Variants in HRG observed in about 807,000 individuals in gnomAD.
The protein encoded by HRG is histidine-rich glycoprotein.
In HRG, 26 loss-of-function variants were observed where a neutral mutation model predicts 29.5. That is an observed-to-expected ratio of 0.88 (90% CI 0.65 to 1.22). The LOEUF (loss-of-function observed/expected upper bound fraction) is 1.22. Among genes scored for constraint, HRG ranks in the 50% most tolerant of loss-of-function variants. The pLI is 0.00. For synonymous variants in HRG, 243 were observed against 240.4 expected (o/e 1.01, Z -0.10); for missense variants, 671 against 654.5 (o/e 1.03, Z -0.28).
intron 5 of HRG, 166 bp from the exon 6 acceptor site, chr3:186,674,922 AG>A: frequency 4.3e-6 from 3 of 692,704 alleles, no homozygotes; most frequent in Non-Finnish European, 8.1e-6. Context: ...CTTTCCCCAA[AG>A]TGTTAACAAG....
At chr3:186,675,997 G>A (rs7614709) in intron 6 of HRG, among the ~76,000 whole-genome samples, 37,958 of 151,046 alleles carry the variant, frequency 0.25, 4,917 homozygotes, top group South Asian at 0.33. Context: ...AGCCTCCTGA[G>A]TAGCTAGGAT....
chr3:186,676,722 A>C (rs1719003219), intron 6 of HRG, among the ~76,000 whole-genome samples: 1 of 152,124 alleles, frequency 6.6e-6, no homozygotes, highest in African/African-American at 2.4e-5. Context: ...CTGAGGCAGG[A>C]GAATTGCTTG....
chr3:186,674,888 T>G, intron 5 of HRG: 1 of 591,396 alleles, frequency 1.7e-6, no homozygotes, highest in South Asian at 1.7e-5. Context: ...ACAGCAACTT[T>G]AGTGATACCC....
intron 5 of HRG, chr3:186,673,177 C>T (rs1403751617): frequency 2.5e-6 from 1 of 401,870 alleles, no homozygotes; most frequent in African/African-American, 2.1e-5. Context: ...AGTGTCGGCT[C>T]ACTGCAACCT....
At chr3:186,667,849 C>T (rs987889374) in intron 1 of HRG, among the ~76,000 whole-genome samples, 10 of 152,090 alleles carry the variant, frequency 6.6e-5, no homozygotes, top group Non-Finnish European at 1.0e-4. Context: ...ACTGTCTTCG[C>T]TTAGATTACA....
intron 5 of HRG, chr3:186,673,851 T>C (rs2108579681): frequency 6.6e-6 from 1 of 152,312 alleles, no homozygotes; most frequent in South Asian, 2.1e-4. Context: ...TAATACCACC[T>C]GGCATTTGCA....
At chr3:186,670,636 C>T (rs1718757088) in intron 3 of HRG, among the ~76,000 whole-genome samples, 1 of 150,744 alleles carries the variant, frequency 6.6e-6, no homozygotes, top group South Asian at 2.1e-4. Context: ...CAACCTCCAC[C>T]TCCCGGGTTC....
intron 3 of HRG, among the ~76,000 whole-genome samples, chr3:186,671,264 A>C (rs1009777296): frequency 6.1e-5 from 9 of 147,586 alleles, no homozygotes; most frequent in Non-Finnish European, 1.2e-4. Flanking sequence ...AAAACATATG[A>C]TATATTATAT....
In HRG at chr3:186,675,141, T is replaced by C. The variant is rs1277269520; in HGVS notation, c.692T>C (p.Leu231Ser). The change falls in exon 6 of 7, where the codon TTG (leucine) becomes TCG (serine). Residue 231 changes from leucine to serine, a missense_variant. Coordinates refer to ENST00000232003, the MANE Select transcript of HRG (RefSeq NM_000412.5). ...TTCTATGATGTAGAAGCCTTGGACT[T>C]GGAAAGCCCGAAAAACCTTGTCATA... is the stretch of plus-strand genomic sequence containing the variant. Reference protein sequence around the residue: ...DLFYDVEALDLESPKNLVINC... With the variant: ...DLFYDVEALDSESPKNLVINC... 1 of 1,613,860 alleles carries C rather than the reference T, an allele frequency of 6.2e-7. No homozygotes were observed. Among genetic ancestry groups the C allele is most frequent in the Non-Finnish European group, 8.5e-7 (1 of 1,179,872 alleles).
Position 186,677,760 on chromosome 3 carries a change from C to T in HRG, c.1455C>T (p.His485=). The T allele has an allele frequency of 3.1e-6, 5 of 1,612,844 alleles. No individual in the cohort carries two copies. The highest frequency in any genetic ancestry group is 4.2e-6 in the Non-Finnish European group (5 of 1,178,882). Reference sequence around the variant, plus strand: ...TTCCCAGCTTCCCATTGCCGCACCACAAACATCCTCTAAAGCCAGACAATC... The same window carrying T: ...TTCCCAGCTTCCCATTGCCGCACCATAAACATCCTCTAAAGCCAGACAATC... ...ANFPSFPLPH[H]KHPLKPDNQP... The change falls in exon 7 of 7, where the codon CAC becomes CAT. Residue 485 remains histidine (H), a synonymous_variant. Transcript: ENST00000232003.
chr3:186,675,965 G>A (rs1409606895), intron 6 of HRG, among the ~76,000 whole-genome samples: 2 of 149,260 alleles, frequency 1.3e-5, no homozygotes, highest in South Asian at 2.1e-4. Flanking sequence ...TGCCTCCTGG[G>A]TTCAAGCGAT....
At chr3:186,675,682 C>A (rs1245257722) in intron 6 of HRG, among the ~76,000 whole-genome samples, 2 of 151,946 alleles carry the variant, frequency 1.3e-5, no homozygotes, top group African/African-American at 4.8e-5. Flanking sequence ...AAATAAGATG[C>A]AAAACCATAT....
intron 1 of HRG, chr3:186,668,541 A>G (rs755481064): frequency 4.1e-5 from 9 of 218,996 alleles, no homozygotes; most frequent in Non-Finnish European, 7.4e-5. Flanking sequence ...GCAAAGCAAC[A>G]TCAAAGCAGA....
At chr3:186,667,021 C>T (rs1056907468) in intron 1 of HRG, 15 of 152,188 alleles carry the variant, frequency 9.9e-5, no homozygotes, top group Non-Finnish European at 2.2e-4. Flanking sequence ...AAACTGGCCA[C>T]TTGCATACTT....
intron 3 of HRG, among the ~76,000 whole-genome samples, chr3:186,670,379 A>T (rs1718748920): frequency 6.6e-6 from 1 of 152,174 alleles, no homozygotes; most frequent in African/African-American, 2.4e-5. Context: ...CTTGGGAGGA[A>T]GTAAAGTCTT....
chr3:186,670,077 C>T (rs1718740270), intron 3 of HRG, 49 bp downstream of exon 3: 1 of 935,208 alleles, frequency 1.1e-6, no homozygotes, highest in Non-Finnish European at 1.8e-6. Context: ...AATACAAATT[C>T]AATCATACAG....
At chr3:186,673,213 C>T (rs1718862857) in intron 5 of HRG, 2 of 357,122 alleles carry the variant, frequency 5.6e-6, no homozygotes, top group South Asian at 4.6e-5. Context: ...AGGCGATTCT[C>T]CTGCCTCAGC....
Position 186,677,721 on chromosome 3 carries a change from T to C in HRG, c.1416T>C (p.Leu472=). 1 of 1,611,368 alleles carries C rather than the reference T, an allele frequency of 6.2e-7. No homozygotes were observed. Among genetic ancestry groups the C allele is most frequent in the African/African-American group, 1.3e-5 (1 of 74,992 alleles). The change falls in exon 7 of 7, where the codon CTT becomes CTC. Residue 472 remains leucine (L), a synonymous_variant. Transcript: ENST00000232003. The part of the protein sequence containing the change: ...PPLRKGEVLP[L]PEANFPSFPL... ...TAAGAAAAGGTGAGGTGCTGCCACT[T>C]CCTGAGGCCAATTTTCCCAGCTTCC... is the stretch of plus-strand genomic sequence containing the variant.
Position 186,677,117 on chromosome 3 carries a change from C to T in HRG, c.812C>T (p.Ser271Phe). Residue 271 changes from serine (S) to phenylalanine (F), a missense_variant, in exon 7 of 7, where the codon TCT becomes TTT. By Grantham distance (155) the Ser-to-Phe change is radical. Transcript: ENST00000232003. ...HPFHWGGHER[S>F]STTKPPFKPH... Reference sequence around the variant, plus strand: ...TTCCACTGGGGTGGGCATGAGCGTTCTTCTACCACCAAGCCTCCATTCAAG... The same window carrying T: ...TTCCACTGGGGTGGGCATGAGCGTTTTTCTACCACCAAGCCTCCATTCAAG... 4 of 1,614,064 alleles carry T rather than the reference C, an allele frequency of 2.5e-6. No individual in the cohort carries two copies. The highest frequency in any genetic ancestry group is 2.5e-6 in the Non-Finnish European group (3 of 1,180,004).
Sources: allele counts gnomAD v4.1 joint callset (sites outside exome capture counted in the v4.1 genomes callset), GRCh38; gene constraint gnomAD v4.1.1; transcripts MANE v1.5; gene names NCBI Gene and HGNC (gene_info 2026-07-23, HGNC 2026-07-21).